Variants in SMIM22 observed in about 807,000 individuals in gnomAD.
The protein encoded by SMIM22 is cancer associated small integral membrane open reading frame 1.
Under a neutral mutation model 8.4 loss-of-function variants are expected in SMIM22, and 16 were observed. The ratio of observed to expected loss-of-function variants is 1.90; its 90% CI spans 1.29 to 2.89. The LOEUF (loss-of-function observed/expected upper bound fraction) is 2.89, where lower values mean the gene tolerates loss of function less well. Ranked by LOEUF, SMIM22 falls within the 30% of genes most tolerant of loss-of-function variation. The pLI is 0.00. For missense variants in SMIM22, 159 were observed against 107.5 expected (o/e 1.48, Z -2.12); for synonymous variants, 67 against 47.6 (o/e 1.41, Z -1.68).
At chr16:4,794,355 C>T (rs1370049607), upstream of SMIM22, among the ~76,000 whole-genome samples, 2 of 152,142 alleles carry the variant, frequency 1.3e-5, no homozygotes, top group East Asian at 3.9e-4. Flanking sequence ...GATCCGCCTG[C>T]CTCGGCCTCC....
At chr16:4,792,422 C>G (rs1216397190), upstream of SMIM22, among the ~76,000 whole-genome samples, 2 of 149,866 alleles carry the variant, frequency 1.3e-5, no homozygotes, top group Non-Finnish European at 3.0e-5. Flanking sequence ...GATCTCCTGA[C>G]CTCGTGATCT....
upstream of SMIM22, chr16:4,795,349 G>T (rs948168269): frequency 4.4e-6 from 1 of 225,156 alleles, no homozygotes; most frequent in South Asian, 5.9e-5. Flanking sequence ...GGGGAGGGCG[G>T]GGCTGGTTGC....
At chr16:4,789,332 CT>C (rs1157020160) in intron 2 of SMIM22, among the ~76,000 whole-genome samples, 36 of 142,840 alleles carry the variant, frequency 2.5e-4, no homozygotes, top group East Asian at 4.1e-4. Context: ...TCCTTTTTTT[CT>C]TTTTTTTTTT....
chr16:4,791,906 C>T (rs1448557526), upstream of SMIM22, among the ~76,000 whole-genome samples: 2 of 151,972 alleles, frequency 1.3e-5, no homozygotes, highest in Non-Finnish European at 2.9e-5. Context: ...AGGATGGTCT[C>T]GAATTTCTAA....
chr16:4,794,629 A>G (rs1285139161), upstream of SMIM22, among the ~76,000 whole-genome samples: 1 of 151,876 alleles, frequency 6.6e-6, no homozygotes, highest in Non-Finnish European at 1.5e-5. Flanking sequence ...CACGTTGGTC[A>G]GTCAGGCTGG....
chr16:4,791,440 A>G (rs578194182), upstream of SMIM22, among the ~76,000 whole-genome samples: 1 of 152,176 alleles, frequency 6.6e-6, no homozygotes, highest in Admixed American at 6.6e-5. Flanking sequence ...CGGCTCTGAC[A>G]TCGATGATCA....
At position 4,796,338 on chromosome 16, in the gene SMIM22, G is replaced by C; in HGVS notation, c.*107G>C. The C allele has an allele frequency of 7.4e-7, 1 of 1,343,092 alleles. No individual in the cohort carries two copies. Among genetic ancestry groups the C allele is most frequent in the East Asian group, 2.5e-5 (1 of 39,734 alleles). The allele number at this position is 1,343,092 out of a possible 1,614,324, so 83.2% of individuals were successfully genotyped here. A position where few individuals can be genotyped will look rare whatever the true frequency, so the allele number is the denominator to read the frequency against. ...CTGGGTGGGTGACGCGGGACTCGCC[G>C]CCCCACTCAGGTGGCCACCTGGCCT... On this transcript the variant is annotated 3_prime_UTR_variant, in exon 4 of 4. Coordinates refer to ENST00000586005, the MANE Select transcript of SMIM22 (RefSeq NM_001253794.2).
chr16:4,794,057 T>C (rs2082595162), upstream of SMIM22, among the ~76,000 whole-genome samples: 1 of 152,158 alleles, frequency 6.6e-6, no homozygotes, highest in South Asian at 2.1e-4. Context: ...TGCCTCAGCC[T>C]CCCAAGTAGC....
Position 4,796,006 on chromosome 16 carries a change from CG to C in SMIM22, c.186del (p.Arg64AlafsTer8). On this transcript the variant is annotated frameshift_variant, in exon 3 of 4. Transcript: ENST00000586005. LOFTEE classifies it low-confidence loss of function (END_TRUNC). ...CCCACTGCTGCTGCTGCAGCTCCCC[CG>C]GGCCCCGCAGGGAAAGCCCCAGGAA... is the stretch of plus-strand genomic sequence containing the variant. ...VAHCCCCSSPGPRRESPRKVS... is the reference protein window; with the variant it reads ...VAHCCCCSSPXPRRESPRKVS... The C allele has an allele frequency of 6.6e-7, 1 of 1,512,208 alleles. No individual in the cohort carries two copies. Among genetic ancestry groups the C allele is most frequent in the Non-Finnish European group, 8.8e-7 (1 of 1,134,904 alleles). The allele number at this position is 1,512,208 out of a possible 1,614,324, so 93.7% of individuals were successfully genotyped here. A position where few individuals can be genotyped will look rare whatever the true frequency, so the allele number is the denominator to read the frequency against.
intron 2 of SMIM22, among the ~76,000 whole-genome samples, chr16:4,789,579 G>C (rs2082518683): frequency 6.6e-6 from 1 of 152,046 alleles, no homozygotes. Context: ...GCCCTCCTCG[G>C]CCTCCCAAAG....
At position 4,795,803 on chromosome 16, in the gene SMIM22, G is replaced by A. The variant is rs1280509702; in HGVS notation, c.69G>A (p.Gln23=). The change falls in exon 2 of 4, where the codon CAG becomes CAA. Residue 23 remains glutamine, a synonymous_variant. Transcript: ENST00000586005. ...QEVLGRLKSH[Q]FFQSTWDTVA... is the part of the protein sequence containing the mutation. ...TCCTGGGGAGACTGAAGAGCCACCA[G>A]TTTTTCCAGTCCACATGGGACACTG... The A allele has an allele frequency of 6.5e-7, 1 of 1,536,008 alleles. No individual in the cohort carries two copies. Among genetic ancestry groups the A allele is most frequent in the Admixed American group, 2.0e-5 (1 of 50,992 alleles).
upstream of SMIM22, among the ~76,000 whole-genome samples, chr16:4,792,221 C>T (rs1435003443): frequency 2.0e-5 from 3 of 151,422 alleles, no homozygotes; most frequent in Admixed American, 6.6e-5. Context: ...GACAGAGTCT[C>T]GCTCTGTCGC....
chr16:4,790,065 G>C (rs1484703099), intron 2 of SMIM22: 4 of 151,856 alleles, frequency 2.6e-5, no homozygotes, highest in Non-Finnish European at 4.4e-5. Flanking sequence ...CAGGTACGTA[G>C]ACCATGCTGG....
upstream of SMIM22, among the ~76,000 whole-genome samples, chr16:4,790,475 G>A (rs550265007): frequency 6.6e-6 from 1 of 152,148 alleles, no homozygotes; most frequent in Non-Finnish European, 1.5e-5. Flanking sequence ...CCTTCCTGGA[G>A]GCTTAACCTT....
At chr16:4,789,387 A>G (rs916534581) in intron 2 of SMIM22, among the ~76,000 whole-genome samples, 1 of 148,056 alleles carries the variant, frequency 6.8e-6, no homozygotes, top group Non-Finnish European at 1.5e-5. Context: ...GTTTAGTGGC[A>G]TGATCTCGGC....
upstream of SMIM22, chr16:4,794,936 C>T (rs8055936): frequency 6.6e-6 from 1 of 152,230 alleles, no homozygotes; most frequent in Non-Finnish European, 1.5e-5. Flanking sequence ...GCAAATACTG[C>T]CTCATTTTAT....
chr16:4,792,412 G>C (rs571915576), upstream of SMIM22, among the ~76,000 whole-genome samples: 102 of 150,108 alleles, frequency 6.8e-4, no homozygotes, highest in Middle Eastern at 3.5e-3. Flanking sequence ...GGATGGTCTC[G>C]ATCTCCTGAC....
rs1042647181 is a variant in SMIM22, at chr16:4,796,490, G to C, written c.*259G>C. The C allele has an allele frequency of 1.2e-5, 6 of 482,782 alleles. No individual in the cohort carries two copies. In the East Asian group the frequency reaches 2.4e-4, roughly 19 times the overall value. The allele number at this position is 482,782 out of a possible 1,614,324, so 29.9% of individuals were successfully genotyped here. A position where few individuals can be genotyped will look rare whatever the true frequency, so the allele number is the denominator to read the frequency against. On this transcript the variant is annotated 3_prime_UTR_variant, in exon 4 of 4. Coordinates refer to ENST00000586005, the MANE Select transcript of SMIM22 (RefSeq NM_001253794.2). ...CCCAGCACTTTGGGAGGCCGAGGTGGGCGGATCACGAGGTCAGGAGATCGA... is the reference window on the plus strand; with the variant it reads ...CCCAGCACTTTGGGAGGCCGAGGTGCGCGGATCACGAGGTCAGGAGATCGA...
In SMIM22 at chr16:4,795,981, C is replaced by T. The variant is rs1364638114; in HGVS notation, c.158C>T (p.Ala53Val). ...TVLLLLLLVV[A>V]HCCCCSSPGP... ...CTGCTCCTGCTGCTGCTGGTCGTCG[C>T]CCACTGCTGCTGCTGCAGCTCCCCC... Residue 53 changes from alanine (A) to valine (V), a missense_variant, in exon 3 of 4, where the codon GCC (alanine) becomes GTC (valine). Ala to Val is a moderately conservative substitution (Grantham distance 64). Transcript: ENST00000586005. 3 of 1,505,834 alleles carry T rather than the reference C, an allele frequency of 2.0e-6. No individual in the cohort carries two copies. Among genetic ancestry groups the T allele is most frequent in the Admixed American group, 2.1e-5 (1 of 48,264 alleles). 93.3% of individuals were successfully genotyped at this position (1,505,834 alleles called of 1,614,324 possible). A position where few individuals can be genotyped will look rare whatever the true frequency, so the allele number is the denominator to read the frequency against.
Sources: gnomAD v4.1 joint callset for allele counts (sites outside exome capture counted in the v4.1 genomes callset) on GRCh38, gnomAD v4.1.1 for gene constraint, MANE v1.5 for transcripts, NCBI Gene and HGNC (gene_info 2026-07-23, HGNC 2026-07-21) for gene names.